The following FAM3C variants were observed in gnomAD, a reference collection of about 807,000 sequenced individuals.
FAM3C encodes protein FAM3C.
In FAM3C, 15 loss-of-function variants were observed where a neutral mutation model predicts 32.5. That is an observed-to-expected ratio of 0.46 (90% CI 0.31 to 0.71). The LOEUF is 0.71. Ranked by LOEUF, FAM3C falls within the 30% of genes least tolerant of loss-of-function variation. FAM3C has a pLI of 0.05. For synonymous variants in FAM3C, 75 were observed against 86.1 expected, an observed-to-expected ratio of 0.87 and a Z score of 0.72; for missense variants, 175 against 274.4, an observed-to-expected ratio of 0.64 and a Z score of 2.56.
At chr7:121,390,428 AAACAAAGATGGT>A (rs1418848870) in intron 1 of FAM3C, among the ~76,000 whole-genome samples, 2 of 152,210 alleles carry the variant, frequency 1.3e-5, no homozygotes, top group East Asian at 3.9e-4. Context: ...TTATAGTTTA[AAACAAAGATGGT>A]AACAGCCCTT....
At chr7:121,351,291 TACA>T in intron 8 of FAM3C, 22 bp from the exon 9 acceptor site, 2 of 1,610,084 alleles carry the variant, frequency 1.2e-6, no homozygotes, top group Non-Finnish European at 1.7e-6. Context: ...AGAGAAAGAA[TACA>T]ACAATAAACA....
intron 8 of FAM3C, among the ~76,000 whole-genome samples, chr7:121,357,502 A>G (rs1318773958): frequency 6.6e-6 from 1 of 152,092 alleles, no homozygotes; most frequent in Non-Finnish European, 1.5e-5. Context: ...CCAAGATAAA[A>G]GGGTTATATA....
chr7:121,359,899 G>T, intron 8 of FAM3C, 144 bp downstream of exon 8: 2 of 600,838 alleles, frequency 3.3e-6, no homozygotes, highest in Non-Finnish European at 5.9e-6. Context: ...CAGGAAGGAG[G>T]CAAAGTAAAA....
intron 1 of FAM3C, among the ~76,000 whole-genome samples, chr7:121,395,646 CA>C (rs1482548897): frequency 2.0e-5 from 3 of 152,024 alleles, no homozygotes; most frequent in African/African-American, 7.2e-5. Context: ...GAAGAGACAC[CA>C]AACATCAAAG....
chr7:121,366,969 C>G (rs879466938), intron 5 of FAM3C, among the ~76,000 whole-genome samples: 5 of 152,074 alleles, frequency 3.3e-5, no homozygotes, highest in Admixed American at 1.3e-4. Flanking sequence ...AGACTGAAAT[C>G]TATCATAAAG....
intron 7 of FAM3C, among the ~76,000 whole-genome samples, chr7:121,360,993 C>T (rs761289658): frequency 4.6e-5 from 7 of 152,108 alleles, no homozygotes; most frequent in Admixed American, 2.0e-4. Context: ...GATTTAAAGG[C>T]TATTTTAGGT....
intron 7 of FAM3C, among the ~76,000 whole-genome samples, chr7:121,360,676 A>T (rs984093849): frequency 6.6e-6 from 1 of 152,096 alleles, no homozygotes; most frequent in African/African-American, 2.4e-5. Flanking sequence ...CAACAAAAAA[A>T]TTTAAAAATT....
At position 121,371,157 on chromosome 7, in the gene FAM3C, G is replaced by GA. The variant is rs151288099; in HGVS notation, c.272+142dup. The GA allele has an allele frequency of 7.7e-3, 7,848 of 1,018,188 alleles. 435 individuals carry two copies. The African/African-American group carries it at 0.11, about 15-fold the overall frequency. 63.1% of individuals were successfully genotyped at this position (1,018,188 alleles called of 1,614,324 possible). On this transcript the variant is annotated intron_variant, in intron 5 of 9. Coordinates refer to ENST00000359943, the MANE Select transcript of FAM3C (RefSeq NM_014888.3). ...ACTTTAAGGTCCCTTGAATTCATGA[G>GA]AAAAAAACTACATAACAAAAATGGA...
At chr7:121,371,481 C>T (rs1314715602) in intron 4 of FAM3C, 58 bp from the exon 5 acceptor site, 7 of 1,546,244 alleles carry the variant, frequency 4.5e-6, no homozygotes, top group African/African-American at 1.4e-5. Flanking sequence ...GACTTTACCT[C>T]ACTTTACTTC....
At chr7:121,362,876 A>C in intron 7 of FAM3C, 21 bp downstream of exon 7, 1 of 1,401,700 alleles carries the variant, frequency 7.1e-7, no homozygotes, top group Non-Finnish European at 1.0e-6. Context: ...AAAAGAACAC[A>C]GTCATGTTAT....
intron 8 of FAM3C, among the ~76,000 whole-genome samples, chr7:121,357,295 A>G (rs1473127336): frequency 1.3e-5 from 2 of 152,158 alleles, no homozygotes; most frequent in Admixed American, 1.3e-4. Flanking sequence ...TCTCTCTTGG[A>G]AAGAGCAGGG....
At chr7:121,387,795 T>C (rs1794492771) in intron 1 of FAM3C, among the ~76,000 whole-genome samples, 1 of 152,142 alleles carries the variant, frequency 6.6e-6, no homozygotes, top group South Asian at 2.1e-4. Flanking sequence ...ATTATTTTTA[T>C]GATAGGTTTA....
chr7:121,352,085 C>T lies in FAM3C; in HGVS notation c.468-816G>A, dbSNP rs908621046. ...ATTTGGCATTGAGTCCTATATACTG[C>T]GCAAAAGACAGCTCTAACAGGTCAC... On this transcript the variant is annotated intron_variant, in intron 8 of 9. Coordinates refer to ENST00000359943, the MANE Select transcript of FAM3C (RefSeq NM_014888.3). Among the ~76,000 whole-genome samples, 8 of 152,114 alleles carry T rather than the reference C, an allele frequency of 5.3e-5. No individual in the cohort carries two copies. The South Asian group carries it at 8.3e-4, about 16-fold the overall frequency.
intron 3 of FAM3C, among the ~76,000 whole-genome samples, chr7:121,375,404 C>A (rs2707465): frequency 0.26 from 38,821 of 151,984 alleles, 5,935 homozygotes; most frequent in African/African-American, 0.44. Context: ...GGGGTGAAGA[C>A]CAGCTGAGAA....
At chr7:121,364,051 A>G in intron 6 of FAM3C, 79 bp downstream of exon 6, 1 of 933,572 alleles carries the variant, frequency 1.1e-6, no homozygotes, top group Non-Finnish European at 1.8e-6. Context: ...TTCTAACCTG[A>G]TCCTCTGATA....
chr7:121,375,793 G>A (rs1045413941), intron 3 of FAM3C, among the ~76,000 whole-genome samples: 1 of 152,124 alleles, frequency 6.6e-6, no homozygotes, highest in Non-Finnish European at 1.5e-5. Context: ...TTGTTCCAAT[G>A]GTCCCACTGC....
chr7:121,372,239 T>C (rs907399865), intron 3 of FAM3C, 100 bp from the exon 4 acceptor site: 3 of 733,116 alleles, frequency 4.1e-6, no homozygotes, highest in African/African-American at 3.5e-5. Flanking sequence ...GTTCAAATAA[T>C]GATTCAGTAT....
intron 9 of FAM3C, 141 bp downstream of exon 9, chr7:121,351,002 T>C: frequency 2.4e-6 from 2 of 819,082 alleles, no homozygotes; most frequent in South Asian, 2.2e-5. Flanking sequence ...TTCAAATAAC[T>C]GATTACCAAG....
intron 5 of FAM3C, among the ~76,000 whole-genome samples, chr7:121,369,379 G>T (rs1354436953): frequency 6.6e-6 from 1 of 152,132 alleles, no homozygotes; most frequent in East Asian, 1.9e-4. Flanking sequence ...AAAAATACTT[G>T]CTGAACAGGT....
Sources: allele counts gnomAD v4.1 joint callset (sites outside exome capture counted in the v4.1 genomes callset), GRCh38; gene constraint gnomAD v4.1.1; transcripts MANE v1.5; gene names NCBI Gene and HGNC (gene_info 2026-07-23, HGNC 2026-07-21).